Variants in PCDHGA1 observed in about 807,000 individuals in gnomAD.
PCDHGA1 encodes protocadherin gamma-A1.
Under a neutral mutation model 58.0 loss-of-function variants are expected in PCDHGA1, and 32 were observed. The ratio of observed to expected loss-of-function variants is 0.55; its 90% CI spans 0.42 to 0.74. The LOEUF is 0.74. Ranked by LOEUF, PCDHGA1 falls within the 30% of genes least tolerant of loss-of-function variation. The probability of loss-of-function intolerance (pLI) is 0.00; values close to 1 mark genes in which losing one functional copy is unlikely to be tolerated. For missense variants in PCDHGA1, 1,205 were observed against 1,182.3 expected (o/e 1.02, Z -0.28); for synonymous variants, 498 against 501.1 (o/e 0.99, Z 0.08).
intron 1 of PCDHGA1, chr5:141,398,210 C>T (rs755562930): frequency 1.3e-6 from 2 of 1,483,862 alleles, no homozygotes; most frequent in South Asian, 1.3e-5. Flanking sequence ...TTCTGCCCGG[C>T]GCTCTGTGAG....
chr5:141,361,707 G>A lies in PCDHGA1; in HGVS notation c.2421+28602G>A. On this transcript the variant is annotated intron_variant, in intron 1 of 3. Transcript: ENST00000517417. Reference sequence around the variant, plus strand: ...CGCAGCGCGCCTTCGATCATGAGCAGCTGCGCGCCTTCGAGCTCACACTGC... The same window carrying A: ...CGCAGCGCGCCTTCGATCATGAGCAACTGCGCGCCTTCGAGCTCACACTGC... The A allele has an allele frequency of 1.9e-6, 3 of 1,613,422 alleles. No individual in the cohort carries two copies. In the South Asian group the frequency reaches 3.3e-5, roughly 18 times the overall value.
At chr5:141,414,639 T>A in intron 1 of PCDHGA1, 1 of 1,613,966 alleles carries the variant, frequency 6.2e-7, no homozygotes, top group South Asian at 1.1e-5. Context: ...GCAAAGAGAA[T>A]GCCCAGATTA....
chr5:141,442,798 A>G (rs1055527090), intron 1 of PCDHGA1, among the ~76,000 whole-genome samples: 1 of 152,256 alleles, frequency 6.6e-6, no homozygotes, highest in East Asian at 1.9e-4. Flanking sequence ...TTTTACTTTG[A>G]TATTCAAATT....
chr5:141,423,759 G>C, intron 1 of PCDHGA1: 1 of 321,042 alleles, frequency 3.1e-6, no homozygotes, highest in Non-Finnish European at 4.5e-6. Flanking sequence ...TTGGGGGGGG[G>C]GTGGGGCGGC....
rs1271891195 is a variant in PCDHGA1, at chr5:141,477,108, C to A, written c.2422-17699C>A. The A allele has an allele frequency of 2.5e-6, 4 of 1,614,232 alleles. No individual in the cohort carries two copies. Among genetic ancestry groups the A allele is most frequent in the Non-Finnish European group, 2.5e-6 (3 of 1,180,046 alleles). ...CAGGCCAAAGACAAGGGCGCCAATCCCGAAGGAGCACATTGCAAAGTGTTG... is the reference window on the plus strand; with the variant it reads ...CAGGCCAAAGACAAGGGCGCCAATCACGAAGGAGCACATTGCAAAGTGTTG... On this transcript the variant is annotated intron_variant, in intron 1 of 3. Coordinates refer to ENST00000517417, the MANE Select transcript of PCDHGA1 (RefSeq NM_018912.3). The surrounding 1 kb of genome is among the most constrained non-coding windows in gnomAD (Gnocchi z 4.9).
intron 1 of PCDHGA1, among the ~76,000 whole-genome samples, chr5:141,426,040 G>C (rs1032424646): frequency 2.0e-5 from 3 of 152,212 alleles, no homozygotes; most frequent in African/African-American, 7.2e-5. Flanking sequence ...GAGCCCTGCT[G>C]TTGGCCAATG....
At chr5:141,404,530 A>C in intron 1 of PCDHGA1, 1 of 1,614,008 alleles carries the variant, frequency 6.2e-7, no homozygotes, top group Non-Finnish European at 8.5e-7. Flanking sequence ...AGCAGTTTAG[A>C]GATTTGCAAA....
rs762979829 is a variant in PCDHGA1, at chr5:141,432,863, T to A, written c.2422-61944T>A. 1 of 1,614,074 alleles carries A rather than the reference T, an allele frequency of 6.2e-7. No individual in the cohort carries two copies. Among genetic ancestry groups the A allele is most frequent in the East Asian group, 2.2e-5 (1 of 44,886 alleles). On this transcript the variant is annotated intron_variant, in intron 1 of 3. Coordinates refer to ENST00000517417, the MANE Select transcript of PCDHGA1 (RefSeq NM_018912.3). The surrounding 1 kb of genome is among the most constrained non-coding windows in gnomAD (Gnocchi z 6.0). ...GGTGGTAGCGGTGGCCGCGGTCTCCTGCGTCTTCCTGGCCTTCGTCATCTT... is the reference window on the plus strand; with the variant it reads ...GGTGGTAGCGGTGGCCGCGGTCTCCAGCGTCTTCCTGGCCTTCGTCATCTT...
rs144613597 is a variant in PCDHGA1, at chr5:141,483,029, G to A, written c.2422-11778G>A. 3.9e-3 allele frequency among the ~76,000 whole-genome samples: 588 copies of A among 152,220 alleles called. 6 individuals are homozygous for A. Among genetic ancestry groups the A allele is most frequent in the Admixed American group, 0.011 (169 of 15,280 alleles). ...GAACCCGGGAGGCAGAGGTTGCAAT[G>A]AGCTGGTGTCAGGCCACTGCACTCC... On this transcript the variant is annotated intron_variant, in intron 1 of 3. Transcript: ENST00000517417.
In PCDHGA1 at chr5:141,486,217, T is replaced by C; in HGVS notation, c.2422-8590T>C. ...TGCTGGACGTAAATGACAATGCCCC[T>C]TACATCACAGTGACCTCAGAGCTTG... On this transcript the variant is annotated intron_variant, in intron 1 of 3. Coordinates refer to ENST00000517417, the MANE Select transcript of PCDHGA1 (RefSeq NM_018912.3). The surrounding 1 kb of genome is among the most constrained non-coding windows in gnomAD (Gnocchi z 5.0). The C allele has an allele frequency of 6.2e-7, 1 of 1,614,120 alleles. No homozygotes were observed.
chr5:141,497,237 T>C (rs933112169), intron 2 of PCDHGA1, among the ~76,000 whole-genome samples: 3 of 152,038 alleles, frequency 2.0e-5, no homozygotes, highest in Non-Finnish European at 4.4e-5. Context: ...AGAAGGCTTC[T>C]AGGAGGAGGT....
intron 1 of PCDHGA1, chr5:141,375,149 A>G (rs1340397113): frequency 6.2e-7 from 1 of 1,613,944 alleles, no homozygotes. Flanking sequence ...AAGCAGAACA[A>G]TTGCTGAAAG....
At chr5:141,401,239 G>A (rs1024455506) in intron 1 of PCDHGA1, among the ~76,000 whole-genome samples, 6 of 152,154 alleles carry the variant, frequency 3.9e-5, no homozygotes, top group Admixed American at 6.5e-5. Flanking sequence ...CTACTCAGGA[G>A]GCTAAGACAG....
chr5:141,365,924 G>C, intron 1 of PCDHGA1: 1 of 1,614,212 alleles, frequency 6.2e-7, no homozygotes, highest in Non-Finnish European at 8.5e-7. Flanking sequence ...ACAGTTGTGG[G>C]TGACAGCCAG....
chr5:141,382,838 A>C (rs1040102322), intron 1 of PCDHGA1: 1 of 1,445,878 alleles, frequency 6.9e-7, no homozygotes, highest in Non-Finnish European at 9.3e-7. Flanking sequence ...GTCCACCCGG[A>C]TACACCCGCA....
intron 1 of PCDHGA1, chr5:141,372,038 G>C: frequency 1.2e-6 from 2 of 1,613,506 alleles, no homozygotes; most frequent in South Asian, 1.1e-5. Context: ...ACGTGAGCCT[G>C]CGCGTGTTGG....
chr5:141,383,075 TG>T, intron 1 of PCDHGA1: 2 of 1,613,878 alleles, frequency 1.2e-6, no homozygotes, highest in Non-Finnish European at 1.7e-6. Flanking sequence ...CCCCGGGAGC[TG>T]GCGGAGCGCG....
rs765969768 is a variant in PCDHGA1, at chr5:141,421,456, G to A, written c.2422-73351G>A. ...CTCCAGAGGGAAGACACAGCTTTTC[G>A]CTGTGAATCCGCGAAGCGGCAGCTT... is the stretch of plus-strand genomic sequence containing the variant. On this transcript the variant is annotated intron_variant, in intron 1 of 3. Transcript: ENST00000517417. 9.3e-6 allele frequency: 15 copies of A among 1,614,132 alleles called. No homozygotes were observed. Among genetic ancestry groups the A allele is most frequent in the Non-Finnish European group, 1.1e-5 (13 of 1,179,948 alleles).
intron 1 of PCDHGA1, chr5:141,344,642 G>A (rs762812288): frequency 6.2e-7 from 1 of 1,613,938 alleles, no homozygotes; most frequent in South Asian, 1.1e-5. Flanking sequence ...TGGACCGTGA[G>A]AAAAAAGAAA....
Sources: gnomAD v4.1 joint callset for allele counts (sites outside exome capture counted in the v4.1 genomes callset) on GRCh38, gnomAD v4.1.1 for gene constraint, Gnocchi (gnomAD v3.1) non-coding constraint, MANE v1.5 for transcripts, NCBI Gene and HGNC (gene_info 2026-07-23, HGNC 2026-07-21) for gene names.